SCARB1: variants seen among roughly 807,000 people sequenced by gnomAD.
SCARB1 encodes CD36 and LIMPII analogous 1.
In SCARB1, 30 loss-of-function variants were observed where a neutral mutation model predicts 57.2. That is an observed-to-expected ratio of 0.52 (90% CI 0.39 to 0.71). The LOEUF (loss-of-function observed/expected upper bound fraction) is 0.71. SCARB1 is among the 30% of genes least tolerant of loss of function. SCARB1 has a pLI of 0.00. For missense variants in SCARB1, 543 were observed against 671.2 expected (o/e 0.81, Z 2.11); for synonymous variants, 249 against 268.3 (o/e 0.93, Z 0.70).
chr12:124,783,226 TTTTAA>T, intron 11 of SCARB1: 1 of 226,102 alleles, frequency 4.4e-6, no homozygotes, highest in East Asian at 1.2e-4. Flanking sequence ...TTACTGCTTT[TTTTAA>T]TTTTTGAGAC....
intron 1 of SCARB1, among the ~76,000 whole-genome samples, chr12:124,827,203 A>G (rs981335924): frequency 6.6e-6 from 1 of 152,178 alleles, no homozygotes; most frequent in Admixed American, 6.5e-5. Flanking sequence ...GCGTCTTAAG[A>G]GCCGAGCTCC....
At chr12:124,859,995 G>A (rs887308039) in intron 1 of SCARB1, among the ~76,000 whole-genome samples, 6 of 143,624 alleles carry the variant, frequency 4.2e-5, no homozygotes, top group Non-Finnish European at 7.5e-5. Context: ...CTATTACGCA[G>A]GCTGGAGGGC....
chr12:124,776,962 A>G lies in SCARB1; in HGVS notation c.*1625T>C, dbSNP rs1872536098. On this transcript the variant is annotated 3_prime_UTR_variant, in exon 13 of 13. Coordinates refer to ENST00000261693, the MANE Select transcript of SCARB1 (RefSeq NM_005505.5). ...CATTTAGATAAAATTTTAGGAGGGA[A>G]GAAGAAAGGAAATACAAGTTTAAGG... The G allele has an allele frequency of 6.9e-6, 1 of 144,182 alleles. No homozygotes were observed. Among genetic ancestry groups the G allele is most frequent in the South Asian group, 2.3e-4 (1 of 4,386 alleles). The allele number at this position is 144,182 out of a possible 1,614,324, so 8.9% of individuals were successfully genotyped here.
intron 1 of SCARB1, among the ~76,000 whole-genome samples, chr12:124,825,197 C>T (rs1220018502): frequency 1.5e-5 from 2 of 135,876 alleles, no homozygotes; most frequent in African/African-American, 5.6e-5. Context: ...TGCACTCCAG[C>T]CTGGGCAACA....
chr12:124,838,717 A>G (rs562447541), intron 1 of SCARB1, among the ~76,000 whole-genome samples: 2 of 151,826 alleles, frequency 1.3e-5, no homozygotes, highest in South Asian at 4.2e-4. Context: ...CCTTCAGGTT[A>G]AACCCTGCCA....
intron 1 of SCARB1, among the ~76,000 whole-genome samples, chr12:124,836,358 G>C (rs1422186969): frequency 6.6e-6 from 1 of 152,206 alleles, no homozygotes; most frequent in Non-Finnish European, 1.5e-5. Context: ...CTGAACTGCT[G>C]AACGCATCTG....
intron 1 of SCARB1, among the ~76,000 whole-genome samples, chr12:124,859,688 G>A (rs1952803216): frequency 1.3e-5 from 2 of 152,190 alleles, no homozygotes; most frequent in Non-Finnish European, 2.9e-5. Flanking sequence ...TGAAAATAAT[G>A]GCAGGGCGCG....
intron 1 of SCARB1, among the ~76,000 whole-genome samples, chr12:124,828,169 G>A (rs956428978): frequency 2.6e-5 from 4 of 151,746 alleles, no homozygotes; most frequent in African/African-American, 4.8e-5. Context: ...TGTTTAGGCC[G>A]GGGCAACAAC....
In SCARB1 at chr12:124,822,401, C is replaced by CA. The variant is rs1018440945; in HGVS notation, c.127-4695dup. The stretch of plus-strand genomic sequence containing the variant: ...TGAGCCTCAGAAGCACTACCCCAAG[C>CA]AAAAAAAAGAAAAGAAGAATCATAC... On this transcript the variant is annotated intron_variant, in intron 1 of 12. Coordinates refer to ENST00000261693, the MANE Select transcript of SCARB1 (RefSeq NM_005505.5). This position sits in a 1 kb window ranked among gnomAD's most constrained non-coding sequence, Gnocchi z 5.0. 1.3e-4 allele frequency among the ~76,000 whole-genome samples: 19 copies of CA among 151,502 alleles called. No individual in the cohort carries two copies. In the East Asian group the frequency reaches 2.1e-3, roughly 17 times the overall value.
chr12:124,797,866 G>T (rs1328376923), intron 8 of SCARB1, among the ~76,000 whole-genome samples: 1 of 152,236 alleles, frequency 6.6e-6, no homozygotes, highest in Non-Finnish European at 1.5e-5. Flanking sequence ...TTCGGGAAGG[G>T]CCTAAGGTGC....
intron 7 of SCARB1, among the ~76,000 whole-genome samples, chr12:124,805,051 G>T (rs1332673743): frequency 6.6e-6 from 1 of 151,282 alleles, no homozygotes; most frequent in Non-Finnish European, 1.5e-5. Flanking sequence ...GGATGACAGT[G>T]AATGGAAGGG....
intron 1 of SCARB1, among the ~76,000 whole-genome samples, chr12:124,837,522 A>G (rs1566231540): frequency 0.047 from 4,977 of 106,520 alleles, 224 homozygotes; most frequent in African/African-American, 0.059. Flanking sequence ...AAGAAAAGAA[A>G]GGAAAGAAAA....
chr12:124,778,506 C>G lies in SCARB1; in HGVS notation c.*81G>C. On this transcript the variant is annotated 3_prime_UTR_variant, in exon 13 of 13. Transcript: ENST00000261693. ...TGGGGGGCTGTCCGCTGGGAGAGTC[C>G]GGGAGAAGCGGGGTGTAGGGGCTGG... 7.6e-7 allele frequency: 1 copy of G among 1,315,162 alleles called. No homozygotes were observed. Among genetic ancestry groups the G allele is most frequent in the Non-Finnish European group, 9.8e-7 (1 of 1,024,684 alleles). 81.5% of individuals were successfully genotyped at this position (1,315,162 alleles called of 1,614,324 possible).
intron 1 of SCARB1, among the ~76,000 whole-genome samples, chr12:124,838,389 A>C (rs1951776890): frequency 6.6e-6 from 1 of 152,130 alleles, no homozygotes; most frequent in African/African-American, 2.4e-5. Context: ...GACCCAGGAC[A>C]TGTGTCTGTT....
rs140393364 is a variant in SCARB1 at position 124,794,196 on chromosome 12, T to C, written c.1202+999A>G. On this transcript the variant is annotated intron_variant, in intron 9 of 12. Transcript: ENST00000261693. The stretch of plus-strand genomic sequence containing the variant: ...GGGTTTCTTTTGGGGATGATGAAAA[T>C]GTTCCAAAATTGATTGTGGTGATAG... Among the ~76,000 whole-genome samples the C allele has an allele frequency of 6.7e-3, 1,022 of 152,164 alleles. 15 individuals are homozygous for C. The highest frequency in any genetic ancestry group is 0.024 in the African/African-American group (978 of 41,498).
chr12:124,850,401 G>A (rs574311770), intron 1 of SCARB1, among the ~76,000 whole-genome samples: 15 of 151,586 alleles, frequency 9.9e-5, no homozygotes, highest in East Asian at 3.9e-4. Flanking sequence ...GCCGGGCTTC[G>A]TGGCTCACAC....
chr12:124,813,023 G>A (rs555288503), intron 4 of SCARB1, among the ~76,000 whole-genome samples: 74 of 152,190 alleles, frequency 4.9e-4, no homozygotes, highest in African/African-American at 1.6e-3. Flanking sequence ...TATAATGGAC[G>A]GAGAGCATCA....
In SCARB1 at chr12:124,817,429, T is replaced by C; in HGVS notation, c.284+121A>G. Reference sequence around the variant, plus strand: ...ACTAGCACTTACCCCGACTATGACTTGCCTGCTTCCGGAACAATCTCTGGG... The same window carrying C: ...ACTAGCACTTACCCCGACTATGACTCGCCTGCTTCCGGAACAATCTCTGGG... On this transcript the variant is annotated intron_variant, in intron 2 of 12. Transcript: ENST00000261693. This position sits in a 1 kb window ranked among gnomAD's most constrained non-coding sequence, Gnocchi z 4.8. 1 of 964,038 alleles carries C rather than the reference T, an allele frequency of 1.0e-6. No homozygotes were observed. The highest frequency in any genetic ancestry group is 1.6e-6 in the Non-Finnish European group (1 of 630,990). 59.7% of individuals were successfully genotyped at this position (964,038 alleles called of 1,614,324 possible).
chr12:124,815,774 G>A (rs1325086675), intron 2 of SCARB1, among the ~76,000 whole-genome samples: 2 of 152,314 alleles, frequency 1.3e-5, no homozygotes, highest in African/African-American at 4.8e-5. Context: ...GCTGAGGCAG[G>A]AGAATCGCTT....
Sources: gnomAD v4.1 joint callset for allele counts (sites outside exome capture counted in the v4.1 genomes callset) on GRCh38, gnomAD v4.1.1 for gene constraint, Gnocchi (gnomAD v3.1) non-coding constraint, MANE v1.5 for transcripts, NCBI Gene and HGNC (gene_info 2026-07-23, HGNC 2026-07-21) for gene names.